The following PRSS12 variants were observed in gnomAD, a reference collection of about 807,000 sequenced individuals.
PRSS12 encodes the protein serine protease 12, also known as neurotrypsin.
PRSS12 carries 85 observed loss-of-function variants against 104.4 expected under a neutral mutation model. That is an observed-to-expected ratio of 0.81 (90% CI 0.68 to 0.98). The LOEUF (loss-of-function observed/expected upper bound fraction) is 0.98, where lower values mean the gene tolerates loss of function less well. Among genes scored for constraint, PRSS12 ranks in the 50% least tolerant of loss-of-function variants. The pLI is 0.00. For missense variants in PRSS12, 1,141 were observed against 1,139.2 expected (o/e 1.00, Z -0.02); for synonymous variants, 454 against 425.2 (o/e 1.07, Z -0.83).
chr4:118,347,813 T>A (rs1314493936), intron 1 of PRSS12, among the ~76,000 whole-genome samples: 1 of 152,214 alleles, frequency 6.6e-6, no homozygotes, highest in Admixed American at 6.5e-5. Context: ...CCCAGCCTCC[T>A]AAAGTGCTGC....
chr4:118,352,848 G>A lies in PRSS12; in HGVS notation c.-128C>T. Reference sequence around the variant, plus strand: ...CCAGCCCCCTCCCGCCCCCGCACGCGGACCGCCCTCGCCTCCCCAACCTTG... The same window carrying A: ...CCAGCCCCCTCCCGCCCCCGCACGCAGACCGCCCTCGCCTCCCCAACCTTG... On this transcript the variant is annotated 5_prime_UTR_variant, in exon 1 of 13. Transcript: ENST00000296498. The A allele has an allele frequency of 1.3e-6, 2 of 1,490,072 alleles. No homozygotes were observed. The highest frequency in any genetic ancestry group is 1.8e-6 in the Non-Finnish European group (2 of 1,120,016). 92.3% of individuals were successfully genotyped at this position (1,490,072 alleles called of 1,614,324 possible). A position where few individuals can be genotyped will look rare whatever the true frequency, so the allele number is the denominator to read the frequency against.
intron 1 of PRSS12, among the ~76,000 whole-genome samples, chr4:118,339,253 A>C (rs546392471): frequency 6.6e-6 from 1 of 152,312 alleles, no homozygotes; most frequent in South Asian, 2.1e-4. Context: ...GAATTGCATA[A>C]AATTCTGTTT....
chr4:118,342,075 CAGT>C (rs1321860659), intron 1 of PRSS12, among the ~76,000 whole-genome samples: 1 of 152,110 alleles, frequency 6.6e-6, no homozygotes, highest in African/African-American at 2.4e-5. Context: ...GCAAATCCTC[CAGT>C]AGAAGCTGAT....
At chr4:118,285,161 A>G (rs1191402719) in intron 11 of PRSS12, among the ~76,000 whole-genome samples, 1 of 152,224 alleles carries the variant, frequency 6.6e-6, no homozygotes, top group Non-Finnish European at 1.5e-5. Context: ...ATTAATAGTT[A>G]ATCTGTGATT....
intron 1 of PRSS12, among the ~76,000 whole-genome samples, chr4:118,342,850 T>TTTTCCTTCTAAGTAC (rs1724251899): frequency 6.6e-6 from 1 of 152,336 alleles, no homozygotes; most frequent in East Asian, 1.9e-4. Context: ...TTTACAACTG[T>TTTTCCTTCTAAGTAC]TTTCCTTCTA....
intron 1 of PRSS12, among the ~76,000 whole-genome samples, chr4:118,349,332 A>G (rs749299717): frequency 2.5e-4 from 38 of 152,046 alleles, no homozygotes; most frequent in South Asian, 6.2e-4. Flanking sequence ...TGAACCCAGG[A>G]GGCAGAGGTT....
At chr4:118,344,298 T>C (rs1214916556) in intron 1 of PRSS12, among the ~76,000 whole-genome samples, 1 of 152,160 alleles carries the variant, frequency 6.6e-6, no homozygotes, top group Non-Finnish European at 1.5e-5. Flanking sequence ...ATAAAATATA[T>C]TTAAAAAATT....
Position 118,282,131 on chromosome 4 carries a change from G to A in PRSS12, c.2433C>T (p.Asn811=), listed in dbSNP as rs780147295. ...RFTGRMLCAG[N]LHEHKRVDSC... ...TGTCCACGCGTTTGTGTTCATGGAG[G>A]TTTCCAGCACAAAGCATTCTCCCTG... Residue 811 remains asparagine, a synonymous_variant, in exon 13 of 13, where the codon AAC becomes AAT. Coordinates refer to ENST00000296498, the MANE Select transcript of PRSS12 (RefSeq NM_003619.4). 2.5e-6 allele frequency: 4 copies of A among 1,614,130 alleles called. No homozygotes were observed. Among genetic ancestry groups the A allele is most frequent in the Non-Finnish European group, 3.4e-6 (4 of 1,180,028 alleles).
intron 5 of PRSS12, among the ~76,000 whole-genome samples, chr4:118,317,494 T>C (rs1723476280): frequency 6.6e-6 from 1 of 152,210 alleles, no homozygotes; most frequent in African/African-American, 2.4e-5. Context: ...CATTATGACA[T>C]GCATTATCTC....
chr4:118,295,001 G>A lies in PRSS12; in HGVS notation c.1977C>T (p.Leu659=), dbSNP rs1321145249. The A allele has an allele frequency of 1.9e-6, 3 of 1,614,142 alleles. No homozygotes were observed. Among genetic ancestry groups the A allele is most frequent in the Non-Finnish European group, 1.7e-6 (2 of 1,180,030 alleles). ...RLKSSHGDGR[L]LCGATLLSSC... ...TACTCAGGAGCGTAGCCCCGCAGAG[G>A]AGCCTGCCATCTCCATGGGATGACT... The change falls in exon 11 of 13, where the codon CTC becomes CTT. Residue 659 remains leucine, a synonymous_variant. Coordinates refer to ENST00000296498, the MANE Select transcript of PRSS12 (RefSeq NM_003619.4).
intron 1 of PRSS12, among the ~76,000 whole-genome samples, chr4:118,345,321 C>A (rs1265277912): frequency 6.6e-6 from 1 of 151,912 alleles, no homozygotes; most frequent in Non-Finnish European, 1.5e-5. Flanking sequence ...TATTGTTGCA[C>A]TGATTTGTAA....
intron 11 of PRSS12, among the ~76,000 whole-genome samples, chr4:118,287,578 C>A (rs949258809): frequency 2.6e-5 from 4 of 152,198 alleles, no homozygotes; most frequent in Admixed American, 6.5e-5. Context: ...GCATCTGACA[C>A]AAGATTGGAA....
intron 2 of PRSS12, among the ~76,000 whole-genome samples, chr4:118,337,533 C>T (rs990303488): frequency 3.3e-5 from 5 of 152,106 alleles, no homozygotes; most frequent in African/African-American, 1.2e-4. Context: ...ACAGTGGAGC[C>T]AGTTCCCAGG....
intron 8 of PRSS12, among the ~76,000 whole-genome samples, chr4:118,306,862 G>A (rs1052212205): frequency 2.6e-5 from 4 of 151,958 alleles, no homozygotes; most frequent in African/African-American, 9.7e-5. Flanking sequence ...CTTAAACTTA[G>A]CTGAGACACA....
In PRSS12 at chr4:118,281,533, A is replaced by AGATCTCG; in HGVS notation, c.*402_*403insCGAGATC. 8.1e-5 allele frequency: 22 copies of AGATCTCG among 270,008 alleles called. No homozygotes were observed. The highest frequency in any genetic ancestry group is 1.9e-4 in the Admixed American group (4 of 20,580). 16.7% of individuals were successfully genotyped at this position (270,008 alleles called of 1,614,324 possible). On this transcript the variant is annotated 3_prime_UTR_variant, in exon 13 of 13. Coordinates refer to ENST00000296498, the MANE Select transcript of PRSS12 (RefSeq NM_003619.4). ...GCATAAATATGCCACTCATGAGTGT[A>AGATCTCG]GTAAAGGGTACCGCATTTATGTCAA... is the stretch of plus-strand genomic sequence containing the variant.
intron 8 of PRSS12, among the ~76,000 whole-genome samples, chr4:118,300,202 G>A (rs1017620496): frequency 1.1e-4 from 17 of 151,676 alleles, no homozygotes; most frequent in Non-Finnish European, 2.2e-4. Context: ...TAGTAGAAAC[G>A]GGGTTTCACC....
chr4:118,286,292 T>C (rs1191426147), intron 11 of PRSS12, among the ~76,000 whole-genome samples: 1 of 152,216 alleles, frequency 6.6e-6, no homozygotes, highest in African/African-American at 2.4e-5. Flanking sequence ...TTCCCCTCTC[T>C]GATACCAGCC....
At chr4:118,323,476 A>G (rs1326797410) in intron 4 of PRSS12, among the ~76,000 whole-genome samples, 1 of 151,748 alleles carries the variant, frequency 6.6e-6, no homozygotes, top group Admixed American at 6.6e-5. Context: ...GAAAAGAAAG[A>G]AAGGCGGGAG....
intron 1 of PRSS12, among the ~76,000 whole-genome samples, chr4:118,340,945 G>GT (rs1329718499): frequency 6.6e-6 from 1 of 152,106 alleles, no homozygotes; most frequent in Non-Finnish European, 1.5e-5. Flanking sequence ...GTTTTGTTTT[G>GT]TTTTTTTCTG....
Sources: allele counts gnomAD v4.1 joint callset (sites outside exome capture counted in the v4.1 genomes callset), GRCh38; gene constraint gnomAD v4.1.1; transcripts MANE v1.5; gene names NCBI Gene and HGNC (gene_info 2026-07-23, HGNC 2026-07-21).